SCLT1: variants seen among roughly 807,000 people sequenced by gnomAD.
SCLT1 encodes the protein sodium channel and clathrin linker 1.
Under a neutral mutation model 112.8 loss-of-function variants are expected in SCLT1, and 78 were observed. The observed-to-expected ratio is 0.69, with a 90% CI of 0.58 to 0.83. The LOEUF is 0.83. Among genes scored for constraint, SCLT1 ranks in the 40% least tolerant of loss-of-function variants. The pLI is 0.00. For synonymous variants in SCLT1, 257 were observed against 254.7 expected, an observed-to-expected ratio of 1.01 and a Z score of -0.09; for missense variants, 747 against 770.4, an observed-to-expected ratio of 0.97 and a Z score of 0.36.
At chr4:129,085,392 A>G (rs1053780386) in intron 1 of SCLT1, among the ~76,000 whole-genome samples, 1 of 152,222 alleles carries the variant, frequency 6.6e-6, no homozygotes, top group Non-Finnish European at 1.5e-5. Context: ...GTGGAGAAAA[A>G]GGAACATTTA....
rs774832066 is a variant in SCLT1 at position 128,884,478 on chromosome 4, T to A, written c.2066A>T (p.Ter689LeuextTer4). 4 of 1,576,406 alleles carry A rather than the reference T, an allele frequency of 2.5e-6. No individual in the cohort carries two copies. Among genetic ancestry groups the A allele is most frequent in the East Asian group, 2.2e-5 (1 of 44,678 alleles). ...AASLMNLENI[*>L] is the part of the protein sequence containing the mutation. ...TCTGTGAGTGAACTATGAATATTTTTAAATATTTTCCAGATTCATCAGGGA... is the reference window on the plus strand; with the variant it reads ...TCTGTGAGTGAACTATGAATATTTTAAAATATTTTCCAGATTCATCAGGGA... Residue 689 changes from the stop codon to leucine (L), a stop_lost, in exon 21 of 21, where the codon TAA becomes TTA. Coordinates refer to ENST00000281142, the MANE Select transcript of SCLT1 (RefSeq NM_144643.4).
intron 18 of SCLT1, among the ~76,000 whole-genome samples, chr4:128,902,254 C>G (rs139616292): frequency 5.2e-4 from 79 of 152,270 alleles, no homozygotes; most frequent in African/African-American, 1.9e-3. Flanking sequence ...ATCTACCACG[C>G]TGCTTTACAA....
At chr4:128,937,104 C>A (rs1241728479) in intron 17 of SCLT1, among the ~76,000 whole-genome samples, 2 of 151,576 alleles carry the variant, frequency 1.3e-5, no homozygotes, top group Admixed American at 6.6e-5. Context: ...ATGGTGAAAC[C>A]CCATCTCTAC....
At chr4:129,082,857 T>C (rs967196076) in intron 1 of SCLT1, among the ~76,000 whole-genome samples, 6 of 151,680 alleles carry the variant, frequency 4.0e-5, no homozygotes, top group Admixed American at 1.3e-4. Flanking sequence ...TAAGAGACAA[T>C]GGGGGAAGAA....
At chr4:129,042,612 C>T (rs901893817) in intron 4 of SCLT1, among the ~76,000 whole-genome samples, 2 of 152,128 alleles carry the variant, frequency 1.3e-5, no homozygotes, top group African/African-American at 2.4e-5. Context: ...ATAGCAAGAG[C>T]AAGGAAACAC....
intron 20 of SCLT1, among the ~76,000 whole-genome samples, chr4:128,885,731 A>C (rs1732844993): frequency 6.6e-6 from 1 of 152,208 alleles, no homozygotes; most frequent in South Asian, 2.1e-4. Flanking sequence ...ATACTGCCAA[A>C]CTGTGCTCCG....
At chr4:129,030,547 A>T (rs961856422) in intron 5 of SCLT1, among the ~76,000 whole-genome samples, 1 of 152,128 alleles carries the variant, frequency 6.6e-6, no homozygotes, top group Non-Finnish European at 1.5e-5. Context: ...AATATTAACA[A>T]TATAGACGGA....
At chr4:129,063,244 T>C (rs185380049) in intron 2 of SCLT1, among the ~76,000 whole-genome samples, 1 of 152,338 alleles carries the variant, frequency 6.6e-6, no homozygotes, top group East Asian at 1.9e-4. Context: ...TACGTTGCCA[T>C]CTTAACATAT....
intron 16 of SCLT1, chr4:128,944,543 T>C (rs1265698967): frequency 6.6e-6 from 1 of 152,032 alleles, no homozygotes; most frequent in African/African-American, 2.4e-5. Flanking sequence ...AACAAATTAT[T>C]TGCAACAACA....
chr4:129,026,464 G>A (rs1746095031), intron 5 of SCLT1, among the ~76,000 whole-genome samples: 1 of 151,964 alleles, frequency 6.6e-6, no homozygotes, highest in African/African-American at 2.4e-5. Context: ...GGTAAATAAT[G>A]AAATGAAGGC....
rs554099724 is a variant in SCLT1, at chr4:129,027,934, A to G, written c.290+11107T>C. Among the ~76,000 whole-genome samples the G allele has an allele frequency of 7.9e-4, 120 of 152,288 alleles. 2 individuals carry two copies. The South Asian group carries it at 0.024, about 30-fold the overall frequency. On this transcript the variant is annotated intron_variant, in intron 5 of 20. Transcript: ENST00000281142. ...GTGAACTCCCATTCACAATTGCTTC[A>G]AAGAGAATAAAATACCTAGGAATCC...
rs1753012747 is a variant in SCLT1, at chr4:129,093,201, G to A, written c.-98C>T. 1.7e-6 allele frequency: 2 copies of A among 1,177,240 alleles called. No homozygotes were observed. Among genetic ancestry groups the A allele is most frequent in the Non-Finnish European group, 1.3e-6 (1 of 785,264 alleles). 72.9% of individuals were successfully genotyped at this position (1,177,240 alleles called of 1,614,324 possible). On this transcript the variant is annotated 5_prime_UTR_variant, in exon 1 of 21. Coordinates refer to ENST00000281142, the MANE Select transcript of SCLT1 (RefSeq NM_144643.4). ...GAAAACAAAACTAAGCCAACGCTCG[G>A]TTGGTTGTCAAGCGCTCCAGCGGTG...
intron 2 of SCLT1, among the ~76,000 whole-genome samples, chr4:129,051,349 T>A (rs571550239): frequency 6.6e-6 from 1 of 152,366 alleles, no homozygotes; most frequent in East Asian, 1.9e-4. Flanking sequence ...TGATTCTTCC[T>A]ATCCATGAGC....
intron 11 of SCLT1, among the ~76,000 whole-genome samples, chr4:128,964,021 A>G (rs1472664456): frequency 6.6e-6 from 1 of 152,186 alleles, no homozygotes; most frequent in Non-Finnish European, 1.5e-5. Flanking sequence ...AAAGACAAAT[A>G]TATATTCTCC....
intron 4 of SCLT1, among the ~76,000 whole-genome samples, chr4:129,042,959 G>A (rs901752991): frequency 6.6e-6 from 1 of 152,048 alleles, no homozygotes; most frequent in African/African-American, 2.4e-5. Flanking sequence ...TGTAATCCCA[G>A]CTACTCGGGA....
At chr4:128,983,527 A>G (rs531299980) in intron 9 of SCLT1, among the ~76,000 whole-genome samples, 1 of 152,310 alleles carries the variant, frequency 6.6e-6, no homozygotes, top group Admixed American at 6.5e-5. Flanking sequence ...AGAAAATTAT[A>G]AATTTTCTGA....
At chr4:128,902,423 C>G (rs769024555) in intron 18 of SCLT1, among the ~76,000 whole-genome samples, 6 of 152,182 alleles carry the variant, frequency 3.9e-5, no homozygotes, top group Non-Finnish European at 8.8e-5. Context: ...TAGCCTACTG[C>G]TCCTAGGCTA....
At chr4:129,063,427 G>A (rs1750173390) in intron 2 of SCLT1, among the ~76,000 whole-genome samples, 1 of 152,164 alleles carries the variant, frequency 6.6e-6, no homozygotes, top group Non-Finnish European at 1.5e-5. Flanking sequence ...AACTAGGCTG[G>A]GTGTTGAGAA....
Position 128,884,420 on chromosome 4 carries a change from C to A in SCLT1, c.*57G>T. ...TTGCAGGCTTTACCATTTCAATACA[C>A]TTCTAGTCCAACTGCTTTCCCAACT... On this transcript the variant is annotated 3_prime_UTR_variant, in exon 21 of 21. Transcript: ENST00000281142. The A allele has an allele frequency of 9.9e-7, 1 of 1,008,610 alleles. No homozygotes were observed. The highest frequency in any genetic ancestry group is 1.6e-6 in the Non-Finnish European group (1 of 633,558). The allele number at this position is 1,008,610 out of a possible 1,614,324, so 62.5% of individuals were successfully genotyped here. A position where few individuals can be genotyped will look rare whatever the true frequency, so the allele number is the denominator to read the frequency against.
Sources: allele counts gnomAD v4.1 joint callset (sites outside exome capture counted in the v4.1 genomes callset), GRCh38; gene constraint gnomAD v4.1.1; transcripts MANE v1.5; gene names NCBI Gene and HGNC (gene_info 2026-07-23, HGNC 2026-07-21).